Variants in PCBD2 observed in about 807,000 individuals in gnomAD.
The protein encoded by PCBD2 is pterin-4-alpha-carbinolamine dehydratase 2.
PCBD2 carries 12 observed loss-of-function variants against 16.4 expected under a neutral mutation model. The observed-to-expected ratio is 0.73, with a 90% CI of 0.47 to 1.19. PCBD2 has a LOEUF of 1.19. Among genes scored for constraint, PCBD2 ranks in the 50% most tolerant of loss-of-function variants. The probability of loss-of-function intolerance (pLI) is 0.00; values close to 1 mark genes in which losing one functional copy is unlikely to be tolerated. For synonymous variants in PCBD2, 58 were observed against 61.8 expected (o/e 0.94, Z 0.29); for missense variants, 138 against 156.8 (o/e 0.88, Z 0.64).
chr5:134,917,354 G>GGGCTA (rs1750845924), intron 2 of PCBD2, among the ~76,000 whole-genome samples: 1 of 152,222 alleles, frequency 6.6e-6, no homozygotes, highest in African/African-American at 2.4e-5. Flanking sequence ...TGAATACCTG[G>GGGCTA]GGCTACCCTT....
chr5:134,962,599 G>A lies in PCBD2; in HGVS notation c.*1918G>A, dbSNP rs1011878060. 6.6e-6 allele frequency among the ~76,000 whole-genome samples: 1 copy of A among 152,130 alleles called. No individual in the cohort carries two copies. Among genetic ancestry groups the A allele is most frequent in the African/African-American group, 2.4e-5 (1 of 41,424 alleles). ...AAAGTTGATTTGGATTTTAGCTGCC[G>A]TTACTACTTATATAATTAATTAGAT... On this transcript the variant is annotated 3_prime_UTR_variant, in exon 4 of 4. Coordinates refer to ENST00000254908, the MANE Select transcript of PCBD2 (RefSeq NM_032151.5).
chr5:134,906,573 C>G (rs956532429), intron 1 of PCBD2, among the ~76,000 whole-genome samples: 1 of 152,150 alleles, frequency 6.6e-6, no homozygotes, highest in Non-Finnish European at 1.5e-5. Context: ...CCTACTGTCA[C>G]CTAGGCGTGT....
intron 2 of PCBD2, chr5:134,927,083 G>T (rs1332900208): frequency 7.5e-6 from 3 of 398,386 alleles, no homozygotes; most frequent in Non-Finnish European, 1.3e-5. Flanking sequence ...TAAGTCCGTG[G>T]GCGACTATGA....
At chr5:134,939,653 C>T (rs1446133813) in intron 2 of PCBD2, among the ~76,000 whole-genome samples, 1 of 152,136 alleles carries the variant, frequency 6.6e-6, no homozygotes, top group Non-Finnish European at 1.5e-5. Flanking sequence ...ACATGAGACA[C>T]CCAAGAAGGT....
At chr5:134,955,986 C>T (rs1239255885) in intron 2 of PCBD2, among the ~76,000 whole-genome samples, 2 of 152,154 alleles carry the variant, frequency 1.3e-5, no homozygotes, top group African/African-American at 4.8e-5. Flanking sequence ...ATTCAGTCAT[C>T]TAAATTCCTT....
Position 134,960,950 on chromosome 5 carries a change from A to T in PCBD2, c.*269A>T. 3.4e-6 allele frequency: 1 copy of T among 295,106 alleles called. No homozygotes were observed. 18.3% of individuals were successfully genotyped at this position (295,106 alleles called of 1,614,324 possible). ...CCTGGCTAATTTTTGTATTTTTAGT[A>T]TAGACAGGGTTTTACCACGTTGGTC... On this transcript the variant is annotated 3_prime_UTR_variant, in exon 4 of 4. Transcript: ENST00000254908.
At position 134,950,953 on chromosome 5, in the gene PCBD2, AG is replaced by A. The variant is rs1180900122; in HGVS notation, c.217-8086del. Among the ~76,000 whole-genome samples the A allele has an allele frequency of 1.6e-4, 25 of 152,366 alleles. No homozygotes were observed. In the South Asian group the frequency reaches 5.2e-3, roughly 32 times the overall value. On this transcript the variant is annotated intron_variant, in intron 2 of 3. Coordinates refer to ENST00000254908, the MANE Select transcript of PCBD2 (RefSeq NM_032151.5). ...AGGCATATGTTAAGAAGTTAACATG[AG>A]CCAAAATATTTTAATGTGAACCAGG...
intron 2 of PCBD2, among the ~76,000 whole-genome samples, chr5:134,932,858 A>T (rs1052112841): frequency 2.6e-5 from 4 of 152,102 alleles, no homozygotes; most frequent in African/African-American, 9.7e-5. Context: ...CTATGTGTTT[A>T]AAACTGTGAG....
intron 2 of PCBD2, chr5:134,924,505 AAGG>A: frequency 2.5e-6 from 1 of 397,606 alleles, no homozygotes; most frequent in Non-Finnish European, 4.4e-6. Flanking sequence ...ATAATTTATG[AAGG>A]AGAAGGGTCA....
intron 2 of PCBD2, among the ~76,000 whole-genome samples, chr5:134,921,749 C>T (rs1478871169): frequency 6.6e-6 from 1 of 152,188 alleles, no homozygotes; most frequent in Admixed American, 6.5e-5. Context: ...GGTCAGTCGT[C>T]CTGTAGTGCC....
intron 2 of PCBD2, among the ~76,000 whole-genome samples, chr5:134,957,511 G>A (rs17167743): frequency 0.034 from 5,148 of 152,096 alleles, 178 homozygotes; most frequent in African/African-American, 0.084. Context: ...AATTAGAACA[G>A]ACTTTCATGG....
At chr5:134,909,569 G>T (rs1750739979) in intron 1 of PCBD2, among the ~76,000 whole-genome samples, 1 of 152,174 alleles carries the variant, frequency 6.6e-6, no homozygotes, top group Admixed American at 6.5e-5. Context: ...AAACGTCACA[G>T]TTCAGCTTCT....
chr5:134,916,295 A>T (rs1447434014), intron 2 of PCBD2, among the ~76,000 whole-genome samples: 1 of 152,208 alleles, frequency 6.6e-6, no homozygotes, highest in East Asian at 1.9e-4. Context: ...CTCAAAAAAA[A>T]AATCTTTGCT....
intron 2 of PCBD2, 49 bp downstream of exon 2, chr5:134,910,515 T>C: frequency 6.3e-7 from 1 of 1,592,646 alleles, no homozygotes; most frequent in East Asian, 2.2e-5. Flanking sequence ...TTAGTCACCT[T>C]AGGCCATAAC....
chr5:134,923,590 G>T, intron 2 of PCBD2: 1 of 342,166 alleles, frequency 2.9e-6, no homozygotes, highest in Admixed American at 4.8e-5. Context: ...CCGATGTATG[G>T]GACGGCGGAT....
In PCBD2 at chr5:134,956,689, CTATT is replaced by C. The variant is rs572128219; in HGVS notation, c.217-2347_217-2344del. On this transcript the variant is annotated intron_variant, in intron 2 of 3. Coordinates refer to ENST00000254908, the MANE Select transcript of PCBD2 (RefSeq NM_032151.5). ...TCGTTTGCTCTACATGTGCGAGTCT[CTATT>C]TATGACAACTGGAAAAAGGAAAGAG... Among the ~76,000 whole-genome samples, 392 of 152,282 alleles carry C rather than the reference CTATT, an allele frequency of 2.6e-3. 7 individuals are homozygous for C. Among genetic ancestry groups the C allele is most frequent in the Non-Finnish European group, 4.2e-3 (283 of 68,022 alleles).
rs1479796550 is a variant in PCBD2, at chr5:134,907,337, G to A, written c.84+2114G>A. 2.0e-5 allele frequency among the ~76,000 whole-genome samples: 3 copies of A among 152,142 alleles called. No individual in the cohort carries two copies. The East Asian group carries it at 5.8e-4, about 29-fold the overall frequency. On this transcript the variant is annotated intron_variant, in intron 1 of 3. Coordinates refer to ENST00000254908, the MANE Select transcript of PCBD2 (RefSeq NM_032151.5). Reference sequence around the variant, plus strand: ...TTGGCGCACTGCAACTTTGCCTCCTGGGTTCAAGCGATTCTCCTGCCTCAG... The same window carrying A: ...TTGGCGCACTGCAACTTTGCCTCCTAGGTTCAAGCGATTCTCCTGCCTCAG...
intron 2 of PCBD2, among the ~76,000 whole-genome samples, chr5:134,950,154 G>C (rs1751342399): frequency 6.6e-6 from 1 of 152,152 alleles, no homozygotes; most frequent in Non-Finnish European, 1.5e-5. Flanking sequence ...CAAACATAAT[G>C]GTGATTCATA....
chr5:134,908,231 G>GTTTT (rs80277203), intron 1 of PCBD2, among the ~76,000 whole-genome samples: 1 of 115,364 alleles, frequency 8.7e-6, no homozygotes, highest in South Asian at 2.9e-4. Flanking sequence ...CCTAGTAAAT[G>GTTTT]TTTTTTTTTT....
Sources: gnomAD v4.1 joint callset for allele counts (sites outside exome capture counted in the v4.1 genomes callset) on GRCh38, gnomAD v4.1.1 for gene constraint, MANE v1.5 for transcripts, NCBI Gene and HGNC (gene_info 2026-07-23, HGNC 2026-07-21) for gene names.